The following NUP210 variants were observed in gnomAD, a reference collection of about 807,000 sequenced individuals.
NUP210 encodes nucleoporin 210.
NUP210 carries 151 observed loss-of-function variants against 196.0 expected under a neutral mutation model. That is an observed-to-expected ratio of 0.77 (90% CI 0.67 to 0.88). NUP210 has a LOEUF of 0.88. NUP210 is among the 40% of genes least tolerant of loss of function. NUP210 has a pLI of 0.00. For missense variants in NUP210, 2,314 were observed against 2,493.7 expected (o/e 0.93, Z 1.53); for synonymous variants, 1,070 against 1,052.7 (o/e 1.02, Z -0.32).
At chr3:13,362,496 G>T (rs914243130) in intron 14 of NUP210, among the ~76,000 whole-genome samples, 2 of 152,326 alleles carry the variant, frequency 1.3e-5, no homozygotes, top group Admixed American at 6.5e-5. Context: ...CTGCAAGAAA[G>T]AAATTTCTGT....
At chr3:13,419,205 A>G (rs1700450017) in intron 1 of NUP210, among the ~76,000 whole-genome samples, 1 of 152,204 alleles carries the variant, frequency 6.6e-6, no homozygotes, top group Non-Finnish European at 1.5e-5. Context: ...GGGGGTGGGA[A>G]GGGCGGAAGC....
At chr3:13,395,165 G>A (rs1169982196) in intron 3 of NUP210, among the ~76,000 whole-genome samples, 2 of 152,192 alleles carry the variant, frequency 1.3e-5, no homozygotes, top group African/African-American at 4.8e-5. Flanking sequence ...TGGCATAACA[G>A]TGGCCTGGGA....
chr3:13,329,922 T>C (rs2124841847), intron 30 of NUP210, among the ~76,000 whole-genome samples: 1 of 152,364 alleles, frequency 6.6e-6, no homozygotes, highest in Admixed American at 6.5e-5. Flanking sequence ...CTTAAGCAAG[T>C]CACTCTCACT....
At chr3:13,324,969 T>C (rs1696686899) in intron 33 of NUP210, among the ~76,000 whole-genome samples, 1 of 152,196 alleles carries the variant, frequency 6.6e-6, no homozygotes, top group Admixed American at 6.5e-5. Context: ...CGAGACTCAA[T>C]GATTGCTCAG....
At chr3:13,359,131 A>G (rs1428441623) in intron 15 of NUP210, among the ~76,000 whole-genome samples, 1 of 152,134 alleles carries the variant, frequency 6.6e-6, no homozygotes, top group South Asian at 2.1e-4. Flanking sequence ...GGCAGGACCA[A>G]GGGCAGTGTC....
At chr3:13,328,202 C>T (rs6763238) in intron 31 of NUP210, among the ~76,000 whole-genome samples, 40,618 of 152,166 alleles carry the variant, frequency 0.27, 5,953 homozygotes, top group Middle Eastern at 0.34. Flanking sequence ...TGTGCGCACA[C>T]ACGGAGTGCC....
intron 1 of NUP210, among the ~76,000 whole-genome samples, chr3:13,402,097 G>A (rs1257232723): frequency 6.6e-6 from 1 of 152,154 alleles, no homozygotes; most frequent in Non-Finnish European, 1.5e-5. Flanking sequence ...TACATGGGAG[G>A]CTGTGGGAGG....
chr3:13,378,847 AT>A, intron 8 of NUP210, 64 bp downstream of exon 8: 1 of 1,222,878 alleles, frequency 8.2e-7, no homozygotes, highest in Non-Finnish European at 1.2e-6. Context: ...CTTCTTTTCT[AT>A]TTTTTAAACT....
chr3:13,344,800 C>T (rs563838948), intron 20 of NUP210: 1 of 346,964 alleles, frequency 2.9e-6, no homozygotes, highest in South Asian at 1.2e-4. Flanking sequence ...CAGCTTGCTG[C>T]TGCCTGCCTC....
At chr3:13,333,652 G>C (rs1697090763) in intron 28 of NUP210, among the ~76,000 whole-genome samples, 1 of 152,180 alleles carries the variant, frequency 6.6e-6, no homozygotes, top group Non-Finnish European at 1.5e-5. Context: ...AACAGCCTTT[G>C]GGAGCTGGGT....
At chr3:13,319,429 T>C in intron 37 of NUP210, 104 bp from the exon 38 acceptor site, 5 of 962,670 alleles carry the variant, frequency 5.2e-6, no homozygotes, top group Non-Finnish European at 8.1e-6. Context: ...CACAGGTCCC[T>C]CTTAGATGTA....
chr3:13,317,717 G>A lies in NUP210; in HGVS notation c.5628C>T (p.Pro1876=). ...CATAGGCTGGGCTCCACAGCCCTGA[G>A]GGAGGGCTGGCTTTGCGAGCAGGAG... The part of the protein sequence containing the change: ...ALPPARKASP[P]SGLWSPAYAS... The change falls in exon 40 of 40, where the codon CCC becomes CCT. Residue 1876 remains proline, a synonymous_variant. Transcript: ENST00000254508. The A allele has an allele frequency of 6.2e-7, 1 of 1,611,416 alleles. No individual in the cohort carries two copies. Among genetic ancestry groups the A allele is most frequent in the Non-Finnish European group, 8.5e-7 (1 of 1,179,028 alleles).
chr3:13,379,580 A>G lies in NUP210; in HGVS notation c.959T>C (p.Leu320Pro). 1 of 1,614,186 alleles carries G rather than the reference A, an allele frequency of 6.2e-7. No homozygotes were observed. Among genetic ancestry groups the G allele is most frequent in the East Asian group, 2.2e-5 (1 of 44,886 alleles). Residue 320 changes from leucine to proline, a missense_variant, in exon 7 of 40, where the codon CTC (leucine) becomes CCC (proline). Physicochemically the swap from Leu to Pro is moderately conservative, Grantham distance 98. Transcript: ENST00000254508. The surrounding 1 kb of genome is among the most constrained non-coding windows in gnomAD (Gnocchi z 4.2). The stretch of plus-strand genomic sequence containing the variant: ...AAGGATATTCCTGTGGCCAAGGACG[A>G]GGCTGCTCTGTCCCAGCTGCAGTGC... Reference protein sequence around the residue: ...VTALQLGQSSLVLGHRSIRMQ... With the variant: ...VTALQLGQSSPVLGHRSIRMQ...
intron 15 of NUP210, among the ~76,000 whole-genome samples, chr3:13,359,959 C>A (rs1044398361): frequency 4.6e-5 from 7 of 152,216 alleles, no homozygotes; most frequent in African/African-American, 1.7e-4. Flanking sequence ...GGACTTGTGA[C>A]CCCCGAACTC....
In NUP210 at chr3:13,317,794, GA is replaced by G. The variant is rs1432529348; in HGVS notation, c.5564-14del. 6.3e-7 allele frequency: 1 copy of G among 1,574,882 alleles called. No homozygotes were observed. The highest frequency in any genetic ancestry group is 1.7e-5 in the Admixed American group (1 of 57,928). ...GAGGCAGCGAAATCTAGGGTGGGAAGAGAGACGATGTTAGCAGCAGAGCCAG... is the reference window on the plus strand; with the variant it reads ...GAGGCAGCGAAATCTAGGGTGGGAAGGAGACGATGTTAGCAGCAGAGCCAG... On this transcript the variant is annotated splice_polypyrimidine_tract_variant and intron_variant, in intron 39 of 39. Coordinates refer to ENST00000254508, the MANE Select transcript of NUP210 (RefSeq NM_024923.4).
rs1484879615 is a variant in NUP210 at position 13,330,561 on chromosome 3, TCTC to T, written c.4006_4008del (p.Glu1336del). The T allele has an allele frequency of 1.2e-6, 2 of 1,614,228 alleles. No individual in the cohort carries two copies. Among genetic ancestry groups the T allele is most frequent in the Non-Finnish European group, 1.7e-6 (2 of 1,180,042 alleles). On this transcript the variant is annotated inframe_deletion, in exon 30 of 40. Transcript: ENST00000254508. ...ATAGACCCTGATGCTAGAAAGCCTT[TCTC>T]ATCAACATGCACAACTGGAACCTTT...
chr3:13,396,887 C>T (rs377139353), intron 3 of NUP210, among the ~76,000 whole-genome samples: 3 of 152,096 alleles, frequency 2.0e-5, no homozygotes, highest in African/African-American at 4.8e-5. Flanking sequence ...TGCCCTGGGC[C>T]GGCAGCATAA....
At position 13,342,091 on chromosome 3, in the gene NUP210, G is replaced by A. The variant is rs760504200; in HGVS notation, c.2997C>T (p.Val999=). Residue 999 remains valine, a synonymous_variant, in exon 22 of 40, where the codon GTC becomes GTT. Coordinates refer to ENST00000254508, the MANE Select transcript of NUP210 (RefSeq NM_024923.4). ...VEIGKTVKAY[V]RVLDLHKKPF... ...GCTTCTTGTGCAAGTCCAGCACGCG[G>A]ACGTATGCCTTCACTGTCTTCCCAA... 7 of 1,614,064 alleles carry A rather than the reference G, an allele frequency of 4.3e-6. No individual in the cohort carries two copies. Among genetic ancestry groups the A allele is most frequent in the Non-Finnish European group, 5.9e-6 (7 of 1,180,036 alleles).
At chr3:13,416,551 T>C (rs962167580) in intron 1 of NUP210, among the ~76,000 whole-genome samples, 4 of 152,134 alleles carry the variant, frequency 2.6e-5, no homozygotes, top group Non-Finnish European at 4.4e-5. Context: ...ACTTTCTCTG[T>C]AAACTAGGGC....
Sources: gnomAD v4.1 joint callset for allele counts (sites outside exome capture counted in the v4.1 genomes callset) on GRCh38, gnomAD v4.1.1 for gene constraint, Gnocchi (gnomAD v3.1) non-coding constraint, MANE v1.5 for transcripts, NCBI Gene and HGNC (gene_info 2026-07-23, HGNC 2026-07-21) for gene names.